Variants in FIG4 observed in about 807,000 individuals in gnomAD.
FIG4 encodes polyphosphoinositide phosphatase.
In FIG4, 112 loss-of-function variants were observed where a neutral mutation model predicts 118.6. That is an observed-to-expected ratio of 0.94 (90% CI 0.81 to 1.11). The LOEUF is 1.11. FIG4 is among the 50% of genes least tolerant of loss of function. The pLI is 0.00. For synonymous variants in FIG4, 369 were observed against 381.2 expected, an observed-to-expected ratio of 0.97 and a Z score of 0.37; for missense variants, 969 against 1,111.7, an observed-to-expected ratio of 0.87 and a Z score of 1.83.
chr6:109,705,765 C>A (rs1775048716), intron 1 of FIG4, among the ~76,000 whole-genome samples: 1 of 152,172 alleles, frequency 6.6e-6, no homozygotes, highest in Non-Finnish European at 1.5e-5. Context: ...TATTAAAATT[C>A]TGTACAACAA....
At chr6:109,744,249 C>G (rs1776412685) in intron 10 of FIG4, among the ~76,000 whole-genome samples, 1 of 152,038 alleles carries the variant, frequency 6.6e-6, no homozygotes, top group African/African-American at 2.4e-5. Flanking sequence ...ACTGAAGGAT[C>G]AGGTGGGCAT....
At chr6:109,757,693 T>G (rs1776962542) in intron 10 of FIG4, among the ~76,000 whole-genome samples, 1 of 152,190 alleles carries the variant, frequency 6.6e-6, no homozygotes, top group Non-Finnish European at 1.5e-5. Flanking sequence ...GCAGAGGACA[T>G]GATTGTATAT....
chr6:109,784,501 C>G (rs1434443396), intron 16 of FIG4, among the ~76,000 whole-genome samples: 1 of 152,198 alleles, frequency 6.6e-6, no homozygotes, highest in Admixed American at 6.5e-5. Context: ...ACTATACACA[C>G]AGGTGTGTAC....
chr6:109,747,658 T>A (rs1306205351), intron 10 of FIG4, among the ~76,000 whole-genome samples: 1 of 152,046 alleles, frequency 6.6e-6, no homozygotes, highest in Non-Finnish European at 1.5e-5. Context: ...TATCGATATG[T>A]TTAAAAGCCT....
chr6:109,786,743 G>T (rs1475540913), intron 18 of FIG4, among the ~76,000 whole-genome samples: 1 of 152,154 alleles, frequency 6.6e-6, no homozygotes, highest in Admixed American at 6.6e-5. Flanking sequence ...CATAGAAATT[G>T]AGAGTTGACA....
At chr6:109,799,834 T>C (rs1020406197) in intron 22 of FIG4, among the ~76,000 whole-genome samples, 3 of 152,162 alleles carry the variant, frequency 2.0e-5, no homozygotes, top group Admixed American at 2.0e-4. Context: ...AACCCCAAAC[T>C]GGTCAATGTC....
chr6:109,792,692 G>A (rs764157653), intron 21 of FIG4, 28 bp downstream of exon 21: 2 of 997,986 alleles, frequency 2.0e-6, no homozygotes, highest in Admixed American at 1.8e-5. Context: ...AGATATTAAA[G>A]AAAAATGAAT....
intron 20 of FIG4, 22 bp from the exon 21 acceptor site, chr6:109,792,560 C>CTTT: frequency 1.6e-6 from 2 of 1,254,932 alleles, no homozygotes; most frequent in African/African-American, 1.5e-5. Flanking sequence ...CCTGGTTCTT[C>CTTT]TTTTTTTTTT....
chr6:109,769,129 A>C (rs1181672446), intron 15 of FIG4, among the ~76,000 whole-genome samples: 2 of 140,746 alleles, frequency 1.4e-5, no homozygotes, highest in East Asian at 4.3e-4. Flanking sequence ...TTTGAGAGGG[A>C]GTCTCGCTCT....
rs372359387 is a variant in FIG4, at chr6:109,789,697, C to T, written c.2180+20C>T. 78 of 1,534,478 alleles carry T rather than the reference C, an allele frequency of 5.1e-5. No individual in the cohort carries two copies. Among genetic ancestry groups the T allele is most frequent in the Middle Eastern group, 1.7e-4 (1 of 5,940 alleles). On this transcript the variant is annotated intron_variant, in intron 19 of 22. Coordinates refer to ENST00000230124, the MANE Select transcript of FIG4 (RefSeq NM_014845.6). ...ATTGGGGTAAGATTTGTGTATAGAA[C>T]GAAACTTTAAAGATTTGTGTAAAAG...
In FIG4 at chr6:109,778,615, C is replaced by T. The variant is rs372843218; in HGVS notation, c.1889+1555C>T. Reference sequence around the variant, plus strand: ...TTTTTGTTTGTTTGTTTGTTTTTTTCGGAGACAGAGCCTCACTCTGTGGCC... The same window carrying T: ...TTTTTGTTTGTTTGTTTGTTTTTTTTGGAGACAGAGCCTCACTCTGTGGCC... On this transcript the variant is annotated intron_variant, in intron 16 of 22. Transcript: ENST00000230124. Among the ~76,000 whole-genome samples, 19 of 150,436 alleles carry T rather than the reference C, an allele frequency of 1.3e-4. No individual in the cohort carries two copies. The South Asian group carries it at 1.7e-3, about 14-fold the overall frequency.
At chr6:109,802,306 AG>A (rs1361476610) in intron 22 of FIG4, among the ~76,000 whole-genome samples, 10 of 151,838 alleles carry the variant, frequency 6.6e-5, no homozygotes, top group Admixed American at 6.6e-4. Flanking sequence ...TATCCCCTCC[AG>A]GGTATTTATA....
At chr6:109,694,282 C>T (rs185727585) in intron 1 of FIG4, among the ~76,000 whole-genome samples, 1 of 152,282 alleles carries the variant, frequency 6.6e-6, no homozygotes, top group African/African-American at 2.4e-5. Context: ...CTTAGCGTTC[C>T]AATAACGGAA....
intron 16 of FIG4, among the ~76,000 whole-genome samples, chr6:109,783,882 G>A (rs952944776): frequency 1.3e-5 from 2 of 152,130 alleles, no homozygotes; most frequent in African/African-American, 2.4e-5. Context: ...CAAAACTTTA[G>A]GAACCTTTCC....
chr6:109,708,103 G>A lies in FIG4; in HGVS notation c.67-6975G>A, dbSNP rs531058140. On this transcript the variant is annotated intron_variant, in intron 1 of 22. Coordinates refer to ENST00000230124, the MANE Select transcript of FIG4 (RefSeq NM_014845.6). The stretch of plus-strand genomic sequence containing the variant: ...GATTATTTTGTCACCCAGGTATTAA[G>A]CCTACTACCCACTAGTTATTTTTCC... Among the ~76,000 whole-genome samples the A allele has an allele frequency of 5.3e-5, 8 of 151,434 alleles. No individual in the cohort carries two copies. The South Asian group carries it at 1.3e-3, about 24-fold the overall frequency.
At chr6:109,788,252 C>G (rs892937933) in intron 18 of FIG4, among the ~76,000 whole-genome samples, 10 of 152,114 alleles carry the variant, frequency 6.6e-5, no homozygotes, top group African/African-American at 2.4e-4. Context: ...ACACTCATGG[C>G]CAACAGCACT....
At position 109,786,427 on chromosome 6, in the gene FIG4, T is replaced by C. The variant is rs1290799657; in HGVS notation, c.2074T>C (p.Leu692=). The C allele has an allele frequency of 6.2e-7, 1 of 1,613,948 alleles. No homozygotes were observed. The highest frequency in any genetic ancestry group is 8.5e-7 in the Non-Finnish European group (1 of 1,179,820). The change falls in exon 18 of 23, where the codon TTG becomes CTG. Residue 692 remains leucine (L), a synonymous_variant. Coordinates refer to ENST00000230124, the MANE Select transcript of FIG4 (RefSeq NM_014845.6). ...ELSSFDDTFC[L]AMTSSARDFM... ...GAGCAGCTTTGATGATACCTTTTGC[T>C]TGGCTATGACAAGCTCAGCACGGTA...
chr6:109,760,129 A>G, intron 10 of FIG4, 121 bp from the exon 11 acceptor site: 3 of 750,002 alleles, frequency 4.0e-6, no homozygotes, highest in South Asian at 1.6e-5. Flanking sequence ...GCTAGGTTTC[A>G]TTTTAGTATA....
intron 22 of FIG4, among the ~76,000 whole-genome samples, chr6:109,822,783 GTATGTATATATATA>G (rs1465264437): frequency 2.5e-5 from 3 of 120,682 alleles, no homozygotes; most frequent in African/African-American, 1.1e-4. Flanking sequence ...GTGTGTGTGT[GTATGTATATATATA>G]TATATATATA....
Sources: gnomAD v4.1 joint callset for allele counts (sites outside exome capture counted in the v4.1 genomes callset) on GRCh38, gnomAD v4.1.1 for gene constraint, MANE v1.5 for transcripts, NCBI Gene and HGNC (gene_info 2026-07-23, HGNC 2026-07-21) for gene names.